BAK1: variants seen among roughly 807,000 people sequenced by gnomAD.
BAK1 encodes the protein bcl-2 homologous antagonist/killer.
Under a neutral mutation model 24.7 loss-of-function variants are expected in BAK1, and 19 were observed. The ratio of observed to expected loss-of-function variants is 0.77; its 90% CI spans 0.54 to 1.13. The LOEUF is 1.13. Among genes scored for constraint, BAK1 ranks in the 50% most tolerant of loss-of-function variants. The pLI, the probability that BAK1 is intolerant of heterozygous loss-of-function variation, is 0.00. For missense variants in BAK1, 194 were observed against 279.4 expected, an observed-to-expected ratio of 0.69 and a Z score of 2.18; for synonymous variants, 86 against 107.3, an observed-to-expected ratio of 0.80 and a Z score of 1.23.
chr6:33,576,255 C>T (rs1344541057), intron 2 of BAK1, among the ~76,000 whole-genome samples: 3 of 146,594 alleles, frequency 2.0e-5, no homozygotes, highest in East Asian at 2.1e-4. Context: ...TACTTGACCC[C>T]GGGAGGCGGA....
intron 4 of BAK1, among the ~76,000 whole-genome samples, chr6:33,574,862 C>T (rs774762249): frequency 6.6e-6 from 1 of 152,208 alleles, no homozygotes; most frequent in East Asian, 1.9e-4. Context: ...CCCAAATATT[C>T]GGTGTCTTTA....
In BAK1 at chr6:33,575,077, A is replaced by G; in HGVS notation, c.350+221T>C. Reference sequence around the variant, plus strand: ...CTGATCTAACCAGTCAAGACCTTGGAGTCAGAGCTCAAAAGAGCTGTGAGC... The same window carrying G: ...CTGATCTAACCAGTCAAGACCTTGGGGTCAGAGCTCAAAAGAGCTGTGAGC... On this transcript the variant is annotated intron_variant, in intron 4 of 5. Transcript: ENST00000374467. This position sits in a 1 kb window ranked among gnomAD's most constrained non-coding sequence, Gnocchi z 6.3. 1 of 660,820 alleles carries G rather than the reference A, an allele frequency of 1.5e-6. No individual in the cohort carries two copies. 40.9% of individuals were successfully genotyped at this position (660,820 alleles called of 1,614,324 possible).
In BAK1 at chr6:33,575,296, A is replaced by G; in HGVS notation, c.350+2T>C. On this transcript the variant is annotated splice_donor_variant, in intron 4 of 5. Coordinates refer to ENST00000374467, the MANE Select transcript of BAK1 (RefSeq NM_001188.4). LOFTEE classifies it high-confidence loss of function. This position sits in a 1 kb window ranked among gnomAD's most constrained non-coding sequence, Gnocchi z 6.3. ...GAGCTGGCAGGGAGGTGGCTGGGGT[A>G]CCTGGTGGCAATCTTGGTGAAGTAC... 1 of 1,614,140 alleles carries G rather than the reference A, an allele frequency of 6.2e-7. No individual in the cohort carries two copies. The highest frequency in any genetic ancestry group is 8.5e-7 in the Non-Finnish European group (1 of 1,180,020).
chr6:33,575,548 C>T lies in BAK1; in HGVS notation c.207-107G>A. The T allele has an allele frequency of 6.7e-7, 1 of 1,483,932 alleles. No individual in the cohort carries two copies. Among genetic ancestry groups the T allele is most frequent in the East Asian group, 2.3e-5 (1 of 43,402 alleles). 91.9% of individuals were successfully genotyped at this position (1,483,932 alleles called of 1,614,324 possible). On this transcript the variant is annotated intron_variant, in intron 3 of 5. Transcript: ENST00000374467. This position sits in a 1 kb window ranked among gnomAD's most constrained non-coding sequence, Gnocchi z 6.3. ...CTGAGCTGTCCATGGCCCTGTGCAT[C>T]CCTTCTTGGAGGTCCCTGACAGTGT...
At chr6:33,576,312 CA>C (rs1762843696) in intron 2 of BAK1, among the ~76,000 whole-genome samples, 1 of 111,012 alleles carries the variant, frequency 9.0e-6, no homozygotes, top group Non-Finnish European at 1.7e-5. Flanking sequence ...GCCTAGGCAA[CA>C]AGAGCGAAAC....
chr6:33,579,611 G>A (rs1033016947), intron 1 of BAK1, among the ~76,000 whole-genome samples: 2 of 152,188 alleles, frequency 1.3e-5, no homozygotes, highest in Admixed American at 1.3e-4. Context: ...TAAATTCCCG[G>A]TGAGGGGAGC....
chr6:33,577,482 T>C lies in BAK1; in HGVS notation c.70+53A>G. 6.8e-7 allele frequency: 1 copy of C among 1,473,552 alleles called. No individual in the cohort carries two copies. The highest frequency in any genetic ancestry group is 2.2e-5 in the Admixed American group (1 of 46,100). 91.3% of individuals were successfully genotyped at this position (1,473,552 alleles called of 1,614,324 possible). The stretch of plus-strand genomic sequence containing the variant: ...TGCCTGAGTCCTGCTCCTTCCATCC[T>C]CACGACAGCACTCATGGTTATGGGA... On this transcript the variant is annotated intron_variant, in intron 2 of 5. Transcript: ENST00000374467. The surrounding 1 kb of genome is among the most constrained non-coding windows in gnomAD (Gnocchi z 4.6).
chr6:33,575,032 C>G lies in BAK1; in HGVS notation c.350+266G>C, dbSNP rs1208302120. The stretch of plus-strand genomic sequence containing the variant: ...GGGGAGCTGTGGGGGACGTCCCCAC[C>G]TCAGGCCCCCTCTAGAGTCCTGATC... On this transcript the variant is annotated intron_variant, in intron 4 of 5. Transcript: ENST00000374467. This position sits in a 1 kb window ranked among gnomAD's most constrained non-coding sequence, Gnocchi z 6.3. Among the ~76,000 whole-genome samples the G allele has an allele frequency of 1.3e-5, 2 of 152,216 alleles. No individual in the cohort carries two copies. Among genetic ancestry groups the G allele is most frequent in the Non-Finnish European group, 2.9e-5 (2 of 68,040 alleles).
Position 33,572,659 on chromosome 6 carries a change from C to G in BAK1, c.*1144G>C, listed in dbSNP as rs1431896832. Reference sequence around the variant, plus strand: ...TTGGCTGAATCAAGAACTTCTCCCCCCTGACCCCCAAGACCCTAGGCTGTG... The same window carrying G: ...TTGGCTGAATCAAGAACTTCTCCCCGCTGACCCCCAAGACCCTAGGCTGTG... On this transcript the variant is annotated 3_prime_UTR_variant, in exon 6 of 6. Transcript: ENST00000374467. 2.0e-5 allele frequency: 3 copies of G among 152,748 alleles called. No homozygotes were observed. Among genetic ancestry groups the G allele is most frequent in the Admixed American group, 6.5e-5 (1 of 15,274 alleles). 9.5% of individuals were successfully genotyped at this position (152,748 alleles called of 1,614,324 possible). A position where few individuals can be genotyped will look rare whatever the true frequency, so the allele number is the denominator to read the frequency against.
rs756347512 is a variant in BAK1 at position 33,575,203 on chromosome 6, T to C, written c.350+95A>G. ...ACATTGGACACTGACAGAAGGCTTCTCCCCATGCCAGGAGAGCATCATGCA... is the reference window on the plus strand; with the variant it reads ...ACATTGGACACTGACAGAAGGCTTCCCCCCATGCCAGGAGAGCATCATGCA... On this transcript the variant is annotated intron_variant, in intron 4 of 5. Transcript: ENST00000374467. This position sits in a 1 kb window ranked among gnomAD's most constrained non-coding sequence, Gnocchi z 6.3. The C allele has an allele frequency of 3.2e-6, 5 of 1,566,946 alleles. No homozygotes were observed. Among genetic ancestry groups the C allele is most frequent in the Non-Finnish European group, 4.4e-6 (5 of 1,138,338 alleles).
chr6:33,573,921 C>T lies in BAK1; in HGVS notation c.532-14G>A. 1 of 1,614,134 alleles carries T rather than the reference C, an allele frequency of 6.2e-7. No homozygotes were observed. ...CAGGGCTGCCACCTGCCGGGAGAAA[C>T]AAGGTGGTCACAGAGAGGCTAGCAG... On this transcript the variant is annotated splice_polypyrimidine_tract_variant and intron_variant, in intron 5 of 5. Transcript: ENST00000374467.
rs2894354 is a variant in BAK1 at position 33,573,459 on chromosome 6, G to A, written c.*344C>T. The A allele has an allele frequency of 2.2e-3, 673 of 307,248 alleles. 8 individuals are homozygous for A. Among genetic ancestry groups the A allele is most frequent in the African/African-American group, 0.013 (624 of 47,926 alleles). The allele number at this position is 307,248 out of a possible 1,614,324, so 19.0% of individuals were successfully genotyped here. On this transcript the variant is annotated 3_prime_UTR_variant, in exon 6 of 6. Transcript: ENST00000374467. Reference sequence around the variant, plus strand: ...AAGGGTATTATAAAAAGCTAAAACCGTTAAACACTTTCTGGGGAGAAGTGG... The same window carrying A: ...AAGGGTATTATAAAAAGCTAAAACCATTAAACACTTTCTGGGGAGAAGTGG...
rs1489244206 is a variant in BAK1 at position 33,577,211 on chromosome 6, CT to C, written c.70+323del. Among the ~76,000 whole-genome samples the C allele has an allele frequency of 3.3e-5, 5 of 152,136 alleles. No homozygotes were observed. The highest frequency in any genetic ancestry group is 1.2e-4 in the African/African-American group (5 of 41,410). ...CCAGCTTACTTCCTTATTTCTCCCGCTGGAGGGATACAGCAGCCAGGCCCCA... is the reference window on the plus strand; with the variant it reads ...CCAGCTTACTTCCTTATTTCTCCCGCGGAGGGATACAGCAGCCAGGCCCCA... On this transcript the variant is annotated intron_variant, in intron 2 of 5. Coordinates refer to ENST00000374467, the MANE Select transcript of BAK1 (RefSeq NM_001188.4). The surrounding 1 kb of genome is among the most constrained non-coding windows in gnomAD (Gnocchi z 4.6).
intron 2 of BAK1, among the ~76,000 whole-genome samples, chr6:33,576,988 G>A (rs985134134): frequency 4.6e-5 from 7 of 152,164 alleles, no homozygotes; most frequent in African/African-American, 1.2e-4. Flanking sequence ...TTGTAGCTGC[G>A]GCCCAGAAAA....
rs1582067442 is a variant in BAK1 at position 33,577,018 on chromosome 6, A to C, written c.70+517T>G. Among the ~76,000 whole-genome samples, 1 of 152,292 alleles carries C rather than the reference A, an allele frequency of 6.6e-6. No homozygotes were observed. Among genetic ancestry groups the C allele is most frequent in the East Asian group, 1.9e-4 (1 of 5,178 alleles). On this transcript the variant is annotated intron_variant, in intron 2 of 5. Transcript: ENST00000374467. The surrounding 1 kb of genome is among the most constrained non-coding windows in gnomAD (Gnocchi z 4.6). ...AGAAAAGTCACACAGGGAGATAGTG[A>C]CAGACCTGGGACCTGATTCCCAAGT...
At chr6:33,573,980 G>A in intron 5 of BAK1, 54 bp downstream of exon 5, 3 of 1,612,876 alleles carry the variant, frequency 1.9e-6, no homozygotes. Flanking sequence ...GGTGGGGCCT[G>A]GGAGAGGGGC....
In BAK1 at chr6:33,572,700, A is replaced by G. The variant is rs1005715426; in HGVS notation, c.*1103T>C. ...CTAGGCTGTGCCCAATAGAGAAGGC[A>G]CTGTCACCCCCCACCCTGAGGAGAC... On this transcript the variant is annotated 3_prime_UTR_variant, in exon 6 of 6. Transcript: ENST00000374467. 1 of 152,252 alleles carries G rather than the reference A, an allele frequency of 6.6e-6. No homozygotes were observed. Among genetic ancestry groups the G allele is most frequent in the African/African-American group, 2.4e-5 (1 of 41,224 alleles). The allele number at this position is 152,252 out of a possible 1,614,324, so 9.4% of individuals were successfully genotyped here.
At position 33,577,762 on chromosome 6, in the gene BAK1, CTGGGACTT is replaced by C. The variant is rs561874426; in HGVS notation, c.-31-135_-31-128del. On this transcript the variant is annotated intron_variant, in intron 1 of 5. Coordinates refer to ENST00000374467, the MANE Select transcript of BAK1 (RefSeq NM_001188.4). The surrounding 1 kb of genome is among the most constrained non-coding windows in gnomAD (Gnocchi z 4.6). ...CATTCCCAGAAAGGCCCTTAGTCCTCTGGGACTTTGGCCAGGCCGGTCTCAAACTCCTG... is the reference window on the plus strand; with the variant it reads ...CATTCCCAGAAAGGCCCTTAGTCCTCTGGCCAGGCCGGTCTCAAACTCCTG... 12 of 636,666 alleles carry C rather than the reference CTGGGACTT, an allele frequency of 1.9e-5. No homozygotes were observed. The African/African-American group carries it at 2.1e-4, about 11-fold the overall frequency. 39.4% of individuals were successfully genotyped at this position (636,666 alleles called of 1,614,324 possible). A position where few individuals can be genotyped will look rare whatever the true frequency, so the allele number is the denominator to read the frequency against.
Position 33,575,670 on chromosome 6 carries a change from G to A in BAK1, c.206+123C>T. The A allele has an allele frequency of 2.1e-6, 3 of 1,456,358 alleles. No individual in the cohort carries two copies. Among genetic ancestry groups the A allele is most frequent in the South Asian group, 1.3e-5 (1 of 75,900 alleles). The allele number at this position is 1,456,358 out of a possible 1,614,324, so 90.2% of individuals were successfully genotyped here. ...GGGGTGGGAGCCCAACATAAAAGAG[G>A]AGCAACCATGAGAGAAGGGCAAGAC... On this transcript the variant is annotated intron_variant, in intron 3 of 5. Coordinates refer to ENST00000374467, the MANE Select transcript of BAK1 (RefSeq NM_001188.4). The surrounding 1 kb of genome is among the most constrained non-coding windows in gnomAD (Gnocchi z 6.3).
Sources: gnomAD v4.1 joint callset for allele counts (sites outside exome capture counted in the v4.1 genomes callset) on GRCh38, gnomAD v4.1.1 for gene constraint, Gnocchi (gnomAD v3.1) non-coding constraint, MANE v1.5 for transcripts, NCBI Gene and HGNC (gene_info 2026-07-23, HGNC 2026-07-21) for gene names.